The following ASTN2 variants were observed in gnomAD, a reference collection of about 807,000 sequenced individuals.
ASTN2 encodes astrotactin-2.
In ASTN2, 54 loss-of-function variants were observed where a neutral mutation model predicts 139.8. The ratio of observed to expected loss-of-function variants is 0.39; its 90% CI spans 0.31 to 0.48. ASTN2 has a LOEUF of 0.48. ASTN2 is among the 20% of genes least tolerant of loss of function. The pLI is 0.95. For synonymous variants in ASTN2, 756 were observed against 719.5 expected (o/e 1.05, Z -0.81); for missense variants, 1,565 against 1,725.1 (o/e 0.91, Z 1.64).
At chr9:117,176,401 T>C (rs1830917367) in intron 3 of ASTN2, among the ~76,000 whole-genome samples, 1 of 152,188 alleles carries the variant, frequency 6.6e-6, no homozygotes, top group Non-Finnish European at 1.5e-5. Context: ...GTTGATTAGC[T>C]ATGTGTAATT....
At chr9:117,076,964 C>T (rs906635701) in intron 5 of ASTN2, among the ~76,000 whole-genome samples, 4 of 151,974 alleles carry the variant, frequency 2.6e-5, no homozygotes, top group Non-Finnish European at 4.4e-5. Flanking sequence ...GCAGCTTGGC[C>T]CTTATCTTGA....
intron 17 of ASTN2, among the ~76,000 whole-genome samples, chr9:116,627,592 T>TTTGCTGAC (rs1160354799): frequency 6.6e-6 from 1 of 152,208 alleles, no homozygotes; most frequent in African/African-American, 2.4e-5. Flanking sequence ...CAGCCTTATG[T>TTTGCTGAC]AGTAGTTTTG....
chr9:116,581,706 C>T (rs1853960393), intron 19 of ASTN2, among the ~76,000 whole-genome samples: 1 of 152,080 alleles, frequency 6.6e-6, no homozygotes. Context: ...TTGCTCTGAC[C>T]CTTTGTGGCA....
chr9:116,543,722 T>C (rs950291583), intron 19 of ASTN2: 5 of 152,202 alleles, frequency 3.3e-5, no homozygotes, highest in African/African-American at 4.8e-5. Flanking sequence ...AACATTATGA[T>C]GGAATTTTGT....
At chr9:117,124,911 T>G (rs1264750081) in intron 4 of ASTN2, among the ~76,000 whole-genome samples, 1 of 152,048 alleles carries the variant, frequency 6.6e-6, no homozygotes, top group Non-Finnish European at 1.5e-5. Context: ...TGTGTCTCAG[T>G]CTACTCACCT....
At chr9:116,895,968 A>G (rs1833869565) in intron 10 of ASTN2, among the ~76,000 whole-genome samples, 1 of 152,248 alleles carries the variant, frequency 6.6e-6, no homozygotes, top group African/African-American at 2.4e-5. Flanking sequence ...AAAACAATAA[A>G]TGCCATTGAA....
chr9:117,401,278 C>T (rs1232475771), intron 1 of ASTN2, among the ~76,000 whole-genome samples: 4 of 152,076 alleles, frequency 2.6e-5, no homozygotes, highest in African/African-American at 4.8e-5. Flanking sequence ...AAATGATGAA[C>T]AAGACACACT....
Position 117,414,428 on chromosome 9 carries a change from C to G in ASTN2, c.442+69G>C, listed in dbSNP as rs1831266028. ...CGGGCAGGGATCCCCAGGGCGCCCC[C>G]ACCCGTCCGGCATGACGCAGGGGCT... On this transcript the variant is annotated intron_variant, in intron 1 of 22. Transcript: ENST00000313400. This position sits in a 1 kb window ranked among gnomAD's most constrained non-coding sequence, Gnocchi z 4.2. 3 of 1,582,868 alleles carry G rather than the reference C, an allele frequency of 1.9e-6. No individual in the cohort carries two copies. In the South Asian group the frequency reaches 3.4e-5, roughly 18 times the overall value.
At chr9:117,200,199 T>A (rs1045029355) in intron 3 of ASTN2, among the ~76,000 whole-genome samples, 13 of 152,032 alleles carry the variant, frequency 8.6e-5, no homozygotes, top group Admixed American at 3.3e-4. Flanking sequence ...TCATTTAGCA[T>A]TAGATATAAC....
chr9:116,773,153 A>AT (rs1342285981), intron 13 of ASTN2, among the ~76,000 whole-genome samples: 1 of 139,576 alleles, frequency 7.2e-6, no homozygotes, highest in East Asian at 2.0e-4. Flanking sequence ...TATCCTTGAT[A>AT]TTTTTCTTTT....
At chr9:116,707,569 A>C (rs1467908914) in intron 16 of ASTN2, among the ~76,000 whole-genome samples, 1 of 152,122 alleles carries the variant, frequency 6.6e-6, no homozygotes, top group Non-Finnish European at 1.5e-5. Context: ...CAAAAGGAAA[A>C]TAAAATAAAC....
At chr9:116,552,014 C>CATATACATACACATAT (rs542965606) in intron 19 of ASTN2, 19 of 151,960 alleles carry the variant, frequency 1.3e-4, no homozygotes, top group African/African-American at 2.2e-4. Context: ...CATATACATA[C>CATATACATACACATAT]ACATATACAT....
intron 1 of ASTN2, among the ~76,000 whole-genome samples, chr9:117,408,172 GGAAA>G (rs1021419703): frequency 6.6e-6 from 1 of 151,592 alleles, no homozygotes; most frequent in African/African-American, 2.4e-5. Flanking sequence ...CAGGGGGAGA[GGAAA>G]GAGTGTCCCC....
At chr9:117,308,533 T>C (rs759745125) in intron 1 of ASTN2, among the ~76,000 whole-genome samples, 3 of 152,152 alleles carry the variant, frequency 2.0e-5, no homozygotes, top group Non-Finnish European at 4.4e-5. Context: ...CTGCCTGGCC[T>C]CTGGAATCCT....
intron 13 of ASTN2, among the ~76,000 whole-genome samples, chr9:116,778,218 T>G (rs1184603419): frequency 6.6e-6 from 1 of 151,916 alleles, no homozygotes; most frequent in Non-Finnish European, 1.5e-5. Context: ...TATGCCATGA[T>G]GTTGGGAAAT....
intron 3 of ASTN2, among the ~76,000 whole-genome samples, chr9:117,200,132 C>G (rs921379621): frequency 8.6e-5 from 13 of 151,204 alleles, no homozygotes; most frequent in South Asian, 2.1e-4. Flanking sequence ...GCGCAATGTG[C>G]AGGTTTGTTA....
At chr9:116,865,529 C>T (rs1322737661) in intron 10 of ASTN2, among the ~76,000 whole-genome samples, 1 of 149,984 alleles carries the variant, frequency 6.7e-6, no homozygotes, top group Non-Finnish European at 1.5e-5. Flanking sequence ...ATCAGTTGTT[C>T]CTGCAGGGAG....
intron 12 of ASTN2, among the ~76,000 whole-genome samples, chr9:116,807,505 T>G (rs947506113): frequency 6.6e-6 from 1 of 152,204 alleles, no homozygotes; most frequent in Non-Finnish European, 1.5e-5. Flanking sequence ...AGTGGGGAAA[T>G]CTCTTGGAAA....
intron 10 of ASTN2, among the ~76,000 whole-genome samples, chr9:116,962,440 G>C (rs1320848546): frequency 6.6e-6 from 1 of 152,134 alleles, no homozygotes; most frequent in Non-Finnish European, 1.5e-5. Context: ...CTGATGTTTG[G>C]TTTAACTTGT....
Sources: gnomAD v4.1 joint callset for allele counts (sites outside exome capture counted in the v4.1 genomes callset) on GRCh38, gnomAD v4.1.1 for gene constraint, Gnocchi (gnomAD v3.1) non-coding constraint, MANE v1.5 for transcripts, NCBI Gene and HGNC (gene_info 2026-07-23, HGNC 2026-07-21) for gene names.